The following SLC44A5 variants were observed in gnomAD, a reference collection of about 807,000 sequenced individuals.
SLC44A5 encodes choline transporter-like protein 5.
SLC44A5 carries 57 observed loss-of-function variants against 101.8 expected under a neutral mutation model. The ratio of observed to expected loss-of-function variants is 0.56; its 90% CI spans 0.45 to 0.70. SLC44A5 has a LOEUF of 0.70. Ranked by LOEUF, SLC44A5 falls within the 30% of genes least tolerant of loss-of-function variation. The pLI, the probability that SLC44A5 is intolerant of heterozygous loss-of-function variation, is 0.00. For synonymous variants in SLC44A5, 281 were observed against 290.9 expected (o/e 0.97, Z 0.35); for missense variants, 737 against 853.1 (o/e 0.86, Z 1.70).
intron 5 of SLC44A5, among the ~76,000 whole-genome samples, chr1:75,282,707 G>A (rs1652704306): frequency 6.6e-6 from 1 of 152,096 alleles, no homozygotes; most frequent in African/African-American, 2.4e-5. Context: ...CAGATCATGA[G>A]ATCTAATGGT....
At chr1:75,646,794 C>T in the SLC44A5 span, among the ~76,000 whole-genome samples, 1 of 151,994 alleles carries the variant, frequency 6.6e-6, no homozygotes, top group Non-Finnish European at 1.5e-5. Context: ...TTGCCCATGC[C>T]CTAGAGATCT....
At chr1:75,447,911 T>C (rs1057305723) in intron 2 of SLC44A5, among the ~76,000 whole-genome samples, 2 of 152,100 alleles carry the variant, frequency 1.3e-5, no homozygotes, top group South Asian at 4.1e-4. Context: ...AAAATTATAA[T>C]TCCCAAAGCT....
intron 2 of SLC44A5, among the ~76,000 whole-genome samples, chr1:75,465,952 A>T (rs917015615): frequency 2.6e-5 from 4 of 152,228 alleles, no homozygotes; most frequent in African/African-American, 9.6e-5. Flanking sequence ...AAACATTCAA[A>T]GAAAAGCTAA....
At chr1:75,229,765 C>T (rs1223478947) in intron 12 of SLC44A5, among the ~76,000 whole-genome samples, 7 of 152,160 alleles carry the variant, frequency 4.6e-5, no homozygotes, top group Non-Finnish European at 1.0e-4. Flanking sequence ...TGTTGTACAT[C>T]AAGAGTCTAA....
At chr1:75,556,682 G>T (rs1467004836) in intron 1 of SLC44A5, among the ~76,000 whole-genome samples, 1 of 152,124 alleles carries the variant, frequency 6.6e-6, no homozygotes, top group Non-Finnish European at 1.5e-5. Flanking sequence ...AACAATGGCT[G>T]TTATTCTTCA....
rs1646695028 is a variant in SLC44A5 at position 75,203,393 on chromosome 1, C to A, written c.*334G>T. On this transcript the variant is annotated 3_prime_UTR_variant, in exon 24 of 24. Transcript: ENST00000370859. ...ATTTTAAAAATATATTAGGAGCTAT[C>A]AATTTAAGTAATGTATCATTTTTCA... The A allele has an allele frequency of 5.9e-6, 1 of 168,552 alleles. No individual in the cohort carries two copies. The highest frequency in any genetic ancestry group is 1.3e-5 in the Non-Finnish European group (1 of 79,342). 10.4% of individuals were successfully genotyped at this position (168,552 alleles called of 1,614,324 possible).
intron 2 of SLC44A5, among the ~76,000 whole-genome samples, chr1:75,483,504 C>T (rs1667985354): frequency 6.6e-6 from 1 of 151,792 alleles, no homozygotes; most frequent in South Asian, 2.1e-4. Context: ...CAAATGGGGG[C>T]AAAAATGAGA....
chr1:75,606,015 A>T (rs1462132627), intron 1 of SLC44A5, among the ~76,000 whole-genome samples: 5 of 151,800 alleles, frequency 3.3e-5, no homozygotes, highest in Non-Finnish European at 7.4e-5. Flanking sequence ...CACCAGCGCC[A>T]CTCCAGTCAT....
intron 3 of SLC44A5, among the ~76,000 whole-genome samples, chr1:75,390,108 G>A: frequency 6.6e-6 from 1 of 151,860 alleles, no homozygotes; most frequent in Non-Finnish European, 1.5e-5. Flanking sequence ...ATTTAATCAG[G>A]AAGAAACTGA....
chr1:75,284,102 T>G (rs2100792924), intron 5 of SLC44A5, among the ~76,000 whole-genome samples: 1 of 152,196 alleles, frequency 6.6e-6, no homozygotes, highest in East Asian at 1.9e-4. Flanking sequence ...TATGGTCATT[T>G]TCACAATATT....
chr1:75,411,861 T>A (rs1421596315), intron 2 of SLC44A5, among the ~76,000 whole-genome samples: 2 of 152,166 alleles, frequency 1.3e-5, no homozygotes, highest in East Asian at 3.9e-4. Flanking sequence ...TGTTGTTTTG[T>A]CATGGAGGTT....
chr1:75,582,778 A>G (rs1210911490), intron 1 of SLC44A5, among the ~76,000 whole-genome samples: 1 of 152,212 alleles, frequency 6.6e-6, no homozygotes, highest in Non-Finnish European at 1.5e-5. Flanking sequence ...GCCTTTCACT[A>G]CAGTGATTTT....
chr1:75,229,197 C>G (rs1356903962), intron 12 of SLC44A5, among the ~76,000 whole-genome samples: 3 of 151,972 alleles, frequency 2.0e-5, no homozygotes, highest in African/African-American at 7.2e-5. Flanking sequence ...ATATAAATTT[C>G]TGCAATCATC....
intron 4 of SLC44A5, among the ~76,000 whole-genome samples, chr1:75,304,108 C>A (rs1470363035): frequency 6.6e-6 from 1 of 152,012 alleles, no homozygotes; most frequent in Non-Finnish European, 1.5e-5. Context: ...TTCTGGTACA[C>A]TGCTTTAGAG....
intron 2 of SLC44A5, among the ~76,000 whole-genome samples, chr1:75,445,651 A>T (rs187113840): frequency 1.7e-4 from 23 of 132,104 alleles, no homozygotes; most frequent in Admixed American, 6.0e-4. Context: ...TCTTCTTTTC[A>T]TTATGTTTCT....
Position 75,242,035 on chromosome 1 carries a change from A to G in SLC44A5, c.498T>C (p.Asp166=). Residue 166 remains aspartate, a synonymous_variant, in exon 9 of 24, where the codon GAT becomes GAC. Coordinates refer to ENST00000370859, the MANE Select transcript of SLC44A5 (RefSeq NM_001130058.2). ...VKSLTQLLLD[D]DCPTAIFPSK... is the part of the protein sequence containing the mutation. Reference sequence around the variant, plus strand: ...TGGGAAAAATCGCTGTTGGACAATCATCATCCAGTAAAAGCTGTGTGAGAG... The same window carrying G: ...TGGGAAAAATCGCTGTTGGACAATCGTCATCCAGTAAAAGCTGTGTGAGAG... 1.9e-6 allele frequency: 3 copies of G among 1,612,428 alleles called. No individual in the cohort carries two copies. The highest frequency in any genetic ancestry group is 2.5e-6 in the Non-Finnish European group (3 of 1,178,908).
chr1:75,396,853 G>C (rs759710121), intron 2 of SLC44A5, among the ~76,000 whole-genome samples: 1 of 152,118 alleles, frequency 6.6e-6, no homozygotes, highest in Non-Finnish European at 1.5e-5. Flanking sequence ...GGAGGTAAGA[G>C]GTTTGGGGAT....
chr1:75,226,986 T>C (rs1388531791), intron 13 of SLC44A5, among the ~76,000 whole-genome samples: 1 of 152,226 alleles, frequency 6.6e-6, no homozygotes, highest in Non-Finnish European at 1.5e-5. Flanking sequence ...TTATTACTCA[T>C]AATTCCTATA....
intron 4 of SLC44A5, among the ~76,000 whole-genome samples, chr1:75,318,369 T>TAGAA (rs1557657065): frequency 5.1e-5 from 6 of 118,112 alleles, no homozygotes; most frequent in Non-Finnish European, 8.5e-5. Flanking sequence ...ATCCCATCTC[T>TAGAA]TGAAAGAAAG....
Sources: gnomAD v4.1 joint callset for allele counts (sites outside exome capture counted in the v4.1 genomes callset) on GRCh38, gnomAD v4.1.1 for gene constraint, MANE v1.5 for transcripts, NCBI Gene and HGNC (gene_info 2026-07-23, HGNC 2026-07-21) for gene names.